SYNGR1: variants seen among roughly 807,000 people sequenced by gnomAD.
SYNGR1 encodes synaptogyrin-1.
A neutral mutation model predicts 26.1 loss-of-function variants in SYNGR1; 14 were observed. The observed-to-expected ratio is 0.54, with a 90% CI of 0.35 to 0.84. SYNGR1 has a LOEUF of 0.84. Among genes scored for constraint, SYNGR1 ranks in the 40% least tolerant of loss-of-function variants. SYNGR1 has a pLI of 0.01. For synonymous variants in SYNGR1, 141 were observed against 150.1 expected, an observed-to-expected ratio of 0.94 and a Z score of 0.44; for missense variants, 319 against 332.9, an observed-to-expected ratio of 0.96 and a Z score of 0.33.
At chr22:39,372,604 G>A (rs1316151566) in intron 1 of SYNGR1, among the ~76,000 whole-genome samples, 1 of 151,876 alleles carries the variant, frequency 6.6e-6, no homozygotes, top group Non-Finnish European at 1.5e-5. Context: ...CAAGTTGCTG[G>A]ATGACAGGCA....
At chr22:39,375,886 C>G in intron 2 of SYNGR1, 166 bp from the exon 3 acceptor site, 1 of 898,018 alleles carries the variant, frequency 1.1e-6, no homozygotes, top group South Asian at 1.4e-5. Context: ...CTCTTGGCTC[C>G]CCTCTCTCTT....
At chr22:39,351,738 G>A (rs1173463179) in intron 1 of SYNGR1, among the ~76,000 whole-genome samples, 1 of 152,236 alleles carries the variant, frequency 6.6e-6, no homozygotes, top group African/African-American at 2.4e-5. Flanking sequence ...TGGGCCCCAA[G>A]GGAAGGCAGC....
intron 1 of SYNGR1, among the ~76,000 whole-genome samples, chr22:39,358,231 A>G (rs1429180704): frequency 6.6e-6 from 1 of 152,230 alleles, no homozygotes; most frequent in Non-Finnish European, 1.5e-5. Context: ...TCTGTATCTA[A>G]CTAATCTGAT....
intron 3 of SYNGR1, chr22:39,377,140 A>AC (rs1283118188): frequency 6.7e-7 from 1 of 1,500,140 alleles, no homozygotes; most frequent in Non-Finnish European, 8.9e-7. Context: ...TCTTGAGGCT[A>AC]CATACAGGCC....
rs1925616906 is a variant in SYNGR1, at chr22:39,385,074, C to T, written c.*3160C>T. ...TCAAAGCCTCGGGGATCCCAGGTTT[C>T]CCCATGTAACTGAGACACCCTGCCT... On this transcript the variant is annotated 3_prime_UTR_variant, in exon 4 of 4. Transcript: ENST00000328933. 7.5e-6 allele frequency: 3 copies of T among 398,820 alleles called. No individual in the cohort carries two copies. Among genetic ancestry groups the T allele is most frequent in the Admixed American group, 4.4e-5 (1 of 22,734 alleles). The allele number at this position is 398,820 out of a possible 1,614,324, so 24.7% of individuals were successfully genotyped here.
chr22:39,374,196 A>G, intron 1 of SYNGR1, 120 bp from the exon 2 acceptor site: 1 of 880,198 alleles, frequency 1.1e-6, no homozygotes. Flanking sequence ...TGCCTGCTTA[A>G]CCCGGGTCTT....
chr22:39,385,024 A>C lies in SYNGR1; in HGVS notation c.*3110A>C, dbSNP rs1925615126. On this transcript the variant is annotated 3_prime_UTR_variant, in exon 4 of 4. Transcript: ENST00000328933. ...GGGACTGACGTTAGTTCCCTACTCC[A>C]TCCTTCCCTGGTGATTCTTGATCTT... 2.5e-6 allele frequency: 1 copy of C among 398,700 alleles called. No individual in the cohort carries two copies. 24.7% of individuals were successfully genotyped at this position (398,700 alleles called of 1,614,324 possible).
At chr22:39,358,938 G>A (rs1326405764) in intron 1 of SYNGR1, among the ~76,000 whole-genome samples, 2 of 152,260 alleles carry the variant, frequency 1.3e-5, no homozygotes, top group African/African-American at 4.8e-5. Flanking sequence ...TGGAGAGAGG[G>A]GCGGCTGCGT....
chr22:39,373,387 C>T (rs888590253), intron 1 of SYNGR1, among the ~76,000 whole-genome samples: 1 of 152,114 alleles, frequency 6.6e-6, no homozygotes, highest in African/African-American at 2.4e-5. Context: ...AGGCTGGTCT[C>T]AAACTCCTGA....
At chr22:39,381,451 G>A (rs546136153) in intron 3 of SYNGR1, among the ~76,000 whole-genome samples, 20 of 152,250 alleles carry the variant, frequency 1.3e-4, no homozygotes, top group Admixed American at 1.0e-3. Context: ...GGGAGACAGG[G>A]GCAGGTGATT....
chr22:39,378,733 C>T (rs546611756), intron 3 of SYNGR1, among the ~76,000 whole-genome samples: 1 of 152,362 alleles, frequency 6.6e-6, no homozygotes, highest in East Asian at 1.9e-4. Flanking sequence ...AGAGCACCTA[C>T]ACTGAGAAAG....
chr22:39,351,672 G>T (rs1230747444), intron 1 of SYNGR1, among the ~76,000 whole-genome samples: 2 of 152,252 alleles, frequency 1.3e-5, no homozygotes, highest in Non-Finnish European at 2.9e-5. Flanking sequence ...GGGCTTGTCT[G>T]CTTGGGTCAT....
At chr22:39,364,074 G>C (rs1387707705) in intron 1 of SYNGR1, 1 of 1,549,472 alleles carries the variant, frequency 6.5e-7, no homozygotes. Context: ...TGGGTCCTAG[G>C]CACACCCTGG....
chr22:39,366,908 G>T (rs902193773), intron 1 of SYNGR1, among the ~76,000 whole-genome samples: 1 of 152,006 alleles, frequency 6.6e-6, no homozygotes, highest in Non-Finnish European at 1.5e-5. Context: ...CATCTTCCTC[G>T]CCAGCCTCGC....
In SYNGR1 at chr22:39,377,885, A is replaced by G. The variant is rs1021618497; in HGVS notation, c.483+1688A>G. ...TCCTTCATTGATTCTTCATGCGTTCATTCATTCAGTAAACATTTATTGAGC... is the reference window on the plus strand; with the variant it reads ...TCCTTCATTGATTCTTCATGCGTTCGTTCATTCAGTAAACATTTATTGAGC... On this transcript the variant is annotated intron_variant, in intron 3 of 3. Transcript: ENST00000328933. The G allele has an allele frequency of 4.1e-6, 6 of 1,458,332 alleles. No individual in the cohort carries two copies. The Admixed American group carries it at 1.3e-4, about 31-fold the overall frequency. The allele number at this position is 1,458,332 out of a possible 1,614,324, so 90.3% of individuals were successfully genotyped here.
At chr22:39,358,427 CGTTGCG>C (rs1924282702) in intron 1 of SYNGR1, among the ~76,000 whole-genome samples, 2 of 152,306 alleles carry the variant, frequency 1.3e-5, no homozygotes, top group African/African-American at 4.8e-5. Flanking sequence ...TTCGTCTGCT[CGTTGCG>C]ATAAATTTTG....
rs1401028344 is a variant in SYNGR1 at position 39,383,707 on chromosome 22, G to T, written c.*1793G>T. ...GCAGTTACCCGGCCCCTGTGCTGGA[G>T]ATACCAAGGGCATGGGTGGTCCCTG... On this transcript the variant is annotated 3_prime_UTR_variant, in exon 4 of 4. Coordinates refer to ENST00000328933, the MANE Select transcript of SYNGR1 (RefSeq NM_004711.5). The T allele has an allele frequency of 6.6e-6, 1 of 152,368 alleles. No homozygotes were observed. Among genetic ancestry groups the T allele is most frequent in the Non-Finnish European group, 1.5e-5 (1 of 68,098 alleles). The allele number at this position is 152,368 out of a possible 1,614,324, so 9.4% of individuals were successfully genotyped here. A position where few individuals can be genotyped will look rare whatever the true frequency, so the allele number is the denominator to read the frequency against.
chr22:39,378,433 T>G (rs1408398913), intron 3 of SYNGR1: 138 of 984,726 alleles, frequency 1.4e-4, no homozygotes, highest in Non-Finnish European at 1.6e-4. Context: ...ACCTCCAGAA[T>G]CTCTACTTTA....
At chr22:39,377,917 T>C (rs1320541615) in intron 3 of SYNGR1, 4 of 1,382,426 alleles carry the variant, frequency 2.9e-6, no homozygotes, top group South Asian at 1.4e-5. Context: ...GAGCAGCTGT[T>C]TTGTGCCTAG....
Sources: gnomAD v4.1 joint callset for allele counts (sites outside exome capture counted in the v4.1 genomes callset) on GRCh38, gnomAD v4.1.1 for gene constraint, MANE v1.5 for transcripts, NCBI Gene and HGNC (gene_info 2026-07-23, HGNC 2026-07-21) for gene names.